The following RFX3 variants were observed in gnomAD, a reference collection of about 807,000 sequenced individuals.
The protein encoded by RFX3 is transcription factor RFX3.
A neutral mutation model predicts 98.6 loss-of-function variants in RFX3; 14 were observed. The observed-to-expected ratio is 0.14, with a 90% CI of 0.09 to 0.22. The LOEUF (loss-of-function observed/expected upper bound fraction) is 0.22, where lower values mean the gene tolerates loss of function less well. RFX3 is among the 10% of genes least tolerant of loss of function. The pLI, the probability that RFX3 is intolerant of heterozygous loss-of-function variation, is 1.00. For synonymous variants in RFX3, 383 were observed against 328.4 expected (o/e 1.17, Z -1.80); for missense variants, 639 against 926.9 (o/e 0.69, Z 4.03).
intron 2 of RFX3, among the ~76,000 whole-genome samples, chr9:3,351,265 G>C (rs1835080271): frequency 6.6e-6 from 1 of 151,968 alleles, no homozygotes; most frequent in African/African-American, 2.4e-5. Flanking sequence ...TTAGAAAAAT[G>C]AAGTGTTCTC....
chr9:3,439,007 G>A (rs1331123153), intron 1 of RFX3, among the ~76,000 whole-genome samples: 1 of 151,864 alleles, frequency 6.6e-6, no homozygotes, highest in Non-Finnish European at 1.5e-5. Flanking sequence ...TTAGAAAACA[G>A]TAACAGAAAG....
intron 3 of RFX3, among the ~76,000 whole-genome samples, chr9:3,336,465 T>C (rs1440498704): frequency 6.6e-6 from 1 of 151,988 alleles, no homozygotes; most frequent in East Asian, 1.9e-4. Context: ...ATAGGATAGT[T>C]AAGGAATGTT....
chr9:3,297,160 T>C (rs1025576423), intron 5 of RFX3, among the ~76,000 whole-genome samples: 3 of 152,108 alleles, frequency 2.0e-5, no homozygotes, highest in Non-Finnish European at 4.4e-5. Context: ...TTTAATACAA[T>C]GTATTTGGAC....
At chr9:3,231,422 A>G (rs552590936) in intron 15 of RFX3, among the ~76,000 whole-genome samples, 11 of 152,270 alleles carry the variant, frequency 7.2e-5, no homozygotes, top group South Asian at 6.2e-4. Context: ...TAGTCAATAC[A>G]TATTTATTGA....
intron 1 of RFX3, chr9:3,524,624 G>T (rs1361976493): frequency 2.0e-6 from 2 of 983,562 alleles, no homozygotes; most frequent in South Asian, 4.7e-5. Flanking sequence ...TTCTCACAAA[G>T]CTTCCTTGTG....
chr9:3,313,784 T>C (rs1197579553), intron 4 of RFX3, among the ~76,000 whole-genome samples: 1 of 152,010 alleles, frequency 6.6e-6, no homozygotes, highest in African/African-American at 2.4e-5. Context: ...TGACTGAAGA[T>C]CAAATGAATG....
At position 3,259,851 on chromosome 9, in the gene RFX3, A is replaced by G. The variant is rs551746047; in HGVS notation, c.1606-2652T>C. ...ACTTTTTAGCACTTTCAAGCTCTTAAGTGTATTATAATATTGACACACATG... is the reference window on the plus strand; with the variant it reads ...ACTTTTTAGCACTTTCAAGCTCTTAGGTGTATTATAATATTGACACACATG... On this transcript the variant is annotated intron_variant, in intron 13 of 16. Transcript: ENST00000617270. Among the ~76,000 whole-genome samples, 3 of 152,226 alleles carry G rather than the reference A, an allele frequency of 2.0e-5. No homozygotes were observed. In the East Asian group the frequency reaches 5.8e-4, roughly 29 times the overall value.
intron 1 of RFX3, among the ~76,000 whole-genome samples, chr9:3,506,207 T>TC (rs1297200146): frequency 6.8e-6 from 1 of 146,718 alleles, no homozygotes; most frequent in Non-Finnish European, 1.5e-5. Context: ...GGACAACTGT[T>TC]TTTTTTTTTT....
intron 3 of RFX3, among the ~76,000 whole-genome samples, chr9:3,343,990 A>T (rs1387251273): frequency 1.3e-5 from 2 of 152,184 alleles, no homozygotes; most frequent in Non-Finnish European, 2.9e-5. Flanking sequence ...CTATAGTTTT[A>T]AAGAACCTAC....
intron 1 of RFX3, among the ~76,000 whole-genome samples, chr9:3,396,988 A>G (rs761851401): frequency 2.6e-4 from 39 of 152,242 alleles, no homozygotes; most frequent in African/African-American, 9.2e-4. Context: ...ATGGTACTAA[A>G]ATCAAAATTC....
At chr9:3,314,085 T>C (rs182001760) in intron 4 of RFX3, among the ~76,000 whole-genome samples, 1 of 151,882 alleles carries the variant, frequency 6.6e-6, no homozygotes, top group Non-Finnish European at 1.5e-5. Context: ...TTCACCAAAG[T>C]TGAAACAAAG....
At chr9:3,362,571 G>C (rs2131403021) in intron 2 of RFX3, among the ~76,000 whole-genome samples, 1 of 152,272 alleles carries the variant, frequency 6.6e-6, no homozygotes, top group East Asian at 1.9e-4. Flanking sequence ...TGAAACTTAT[G>C]CTTTATAGGA....
intron 4 of RFX3, among the ~76,000 whole-genome samples, chr9:3,307,570 A>C (rs932193387): frequency 6.6e-6 from 1 of 152,178 alleles, no homozygotes; most frequent in Non-Finnish European, 1.5e-5. Flanking sequence ...TGGGAGTCTA[A>C]GGGAGAAGGC....
At chr9:3,372,530 T>C (rs900115299) in intron 2 of RFX3, among the ~76,000 whole-genome samples, 16 of 151,460 alleles carry the variant, frequency 1.1e-4, no homozygotes, top group Admixed American at 2.0e-4. Context: ...GCCATCTTTT[T>C]TTTCTTTCTT....
At chr9:3,464,978 G>A (rs1848072400) in intron 1 of RFX3, among the ~76,000 whole-genome samples, 1 of 151,958 alleles carries the variant, frequency 6.6e-6, no homozygotes, top group Admixed American at 6.6e-5. Context: ...TGACTTCTAT[G>A]CCTTTTACCA....
chr9:3,383,797 T>C (rs559655832), intron 2 of RFX3, among the ~76,000 whole-genome samples: 5 of 152,124 alleles, frequency 3.3e-5, no homozygotes, highest in Non-Finnish European at 7.4e-5. Context: ...TGCATGGGGA[T>C]GGGGGTTTCT....
At chr9:3,298,047 T>C (rs531523607) in intron 5 of RFX3, among the ~76,000 whole-genome samples, 21 of 151,942 alleles carry the variant, frequency 1.4e-4, no homozygotes, top group Non-Finnish European at 2.8e-4. Flanking sequence ...AGGCAGACTA[T>C]ACATCTCATA....
chr9:3,330,719 C>T (rs1300252344), intron 3 of RFX3, among the ~76,000 whole-genome samples: 1 of 152,110 alleles, frequency 6.6e-6, no homozygotes, highest in Non-Finnish European at 1.5e-5. Flanking sequence ...AAATAAGTAC[C>T]TCAACTAGTT....
chr9:3,459,412 G>C (rs987389851), intron 1 of RFX3, among the ~76,000 whole-genome samples: 12 of 152,106 alleles, frequency 7.9e-5, no homozygotes, highest in East Asian at 1.9e-4. Flanking sequence ...CACATGGTAA[G>C]TTTCAGGACA....
Sources: gnomAD v4.1 joint callset for allele counts (sites outside exome capture counted in the v4.1 genomes callset) on GRCh38, gnomAD v4.1.1 for gene constraint, MANE v1.5 for transcripts, NCBI Gene and HGNC (gene_info 2026-07-23, HGNC 2026-07-21) for gene names.